Variants in EPG5 observed in about 807,000 individuals in gnomAD.
EPG5 encodes the protein ectopic P granules protein 5 homolog.
A neutral mutation model predicts 302.7 loss-of-function variants in EPG5; 159 were observed. That is an observed-to-expected ratio of 0.53 (90% confidence interval 0.46 to 0.60). The LOEUF (loss-of-function observed/expected upper bound fraction) is 0.60. Ranked by LOEUF, EPG5 falls within the 20% of genes least tolerant of loss-of-function variation. The pLI is 0.00. For missense variants in EPG5, 2,896 were observed against 3,092.4 expected (o/e 0.94, Z 1.51); for synonymous variants, 1,158 against 1,136.8 (o/e 1.02, Z -0.37).
chr18:45,818,342 T>C, the EPG5 span, among the ~76,000 whole-genome samples: 5 of 152,222 alleles, frequency 3.3e-5, no homozygotes, highest in Non-Finnish European at 7.4e-5. Flanking sequence ...CAGAATCAAG[T>C]CCTTGGAGTA....
chr18:45,867,789 T>A, intron 36 of EPG5, 41 bp from the exon 37 acceptor site: 1 of 1,490,454 alleles, frequency 6.7e-7, no homozygotes, highest in South Asian at 1.2e-5. Flanking sequence ...TGCCTTGTGC[T>A]ATCTATGTAT....
the EPG5 span, chr18:45,839,139 G>C: frequency 7.4e-7 from 1 of 1,355,110 alleles, no homozygotes; most frequent in Non-Finnish European, 9.4e-7. Context: ...GGCCGGGCCG[G>C]GGCTCTCTGC....
At chr18:45,856,009 A>G (rs1369023721) in intron 42 of EPG5, among the ~76,000 whole-genome samples, 1 of 152,262 alleles carries the variant, frequency 6.6e-6, no homozygotes, top group African/African-American at 2.4e-5. Context: ...CAACAAGTGA[A>G]GCATAGAGTT....
chr18:45,858,467 C>G (rs567355583), intron 41 of EPG5, 99 bp downstream of exon 41: 1 of 824,792 alleles, frequency 1.2e-6, no homozygotes, highest in Admixed American at 2.6e-5. Flanking sequence ...ATTTTTTATG[C>G]ACCTCTTGGT....
At chr18:45,871,627 C>A (rs1407334131) in intron 35 of EPG5, among the ~76,000 whole-genome samples, 1 of 152,102 alleles carries the variant, frequency 6.6e-6, no homozygotes, top group East Asian at 1.9e-4. Flanking sequence ...CTGTCATTTG[C>A]AACAACATGA....
intron 30 of EPG5, among the ~76,000 whole-genome samples, chr18:45,884,207 G>A (rs2049167249): frequency 1.3e-5 from 2 of 152,122 alleles, no homozygotes; most frequent in South Asian, 4.1e-4. Flanking sequence ...CCTCCTGTCA[G>A]ATCACCCATG....
At position 45,878,508 on chromosome 18, in the gene EPG5, C is replaced by G. The variant is rs959095254; in HGVS notation, c.5870-60G>C. 8.6e-6 allele frequency: 9 copies of G among 1,051,912 alleles called. No homozygotes were observed. In the African/African-American group the frequency reaches 1.4e-4, roughly 17 times the overall value. The allele number at this position is 1,051,912 out of a possible 1,614,324, so 65.2% of individuals were successfully genotyped here. A position where few individuals can be genotyped will look rare whatever the true frequency, so the allele number is the denominator to read the frequency against. On this transcript the variant is annotated intron_variant, in intron 33 of 43. Coordinates refer to ENST00000282041, the MANE Select transcript of EPG5 (RefSeq NM_020964.3). The stretch of plus-strand genomic sequence containing the variant: ...TTTGTCATTTGTCAATATCACTGCT[C>G]ACATTATATAGAAAAATCTACCTCT...
chr18:45,823,312 GA>G, the EPG5 span, among the ~76,000 whole-genome samples: 2 of 152,120 alleles, frequency 1.3e-5, no homozygotes, highest in African/African-American at 4.8e-5. Context: ...AGGGGTGCAT[GA>G]TCATATTTTC....
chr18:45,898,693 G>A (rs942934175), intron 27 of EPG5, among the ~76,000 whole-genome samples: 29 of 152,260 alleles, frequency 1.9e-4, no homozygotes, highest in African/African-American at 7.0e-4. Flanking sequence ...CAATGATGGT[G>A]CACACCAAGC....
At chr18:45,881,288 C>CT (rs1184745984) in intron 31 of EPG5, among the ~76,000 whole-genome samples, 1 of 152,202 alleles carries the variant, frequency 6.6e-6, no homozygotes, top group East Asian at 1.9e-4. Context: ...CCACAACACA[C>CT]ACTATTTGAA....
chr18:45,866,764 C>T, intron 38 of EPG5, 34 bp downstream of exon 38: 3 of 1,531,474 alleles, frequency 2.0e-6, no homozygotes, highest in Non-Finnish European at 2.7e-6. Flanking sequence ...TCTCCAGGAA[C>T]AGTCTCTGCC....
In EPG5 at chr18:45,852,315, T is replaced by C. The variant is rs2048433844; in HGVS notation, c.*152A>G. The C allele has an allele frequency of 4.7e-6, 3 of 640,098 alleles. No individual in the cohort carries two copies. In the East Asian group the frequency reaches 8.3e-5, roughly 18 times the overall value. The allele number at this position is 640,098 out of a possible 1,614,324, so 39.7% of individuals were successfully genotyped here. A position where few individuals can be genotyped will look rare whatever the true frequency, so the allele number is the denominator to read the frequency against. ...CACACACACACACACCCCAAAATTA[T>C]CTAATATCTAACGCCTCCCAACTTG... On this transcript the variant is annotated 3_prime_UTR_variant, in exon 44 of 44. Transcript: ENST00000282041.
chr18:45,923,275 A>C lies in EPG5; in HGVS notation c.2831T>G (p.Met944Arg). 1 of 1,613,480 alleles carries C rather than the reference A, an allele frequency of 6.2e-7. No homozygotes were observed. Among genetic ancestry groups the C allele is most frequent in the Non-Finnish European group, 8.5e-7 (1 of 1,179,812 alleles). The change falls in exon 15 of 44, where the codon ATG becomes AGG. Residue 944 changes from methionine to arginine, a missense_variant. Transcript: ENST00000282041. ...KPYAGILSES[M>R]KQVSYLASIV... ...CAGAAGAGAAGGAAATACCTGCTTC[A>C]TACTTTCAGAGAGAATCCCAGCATA...
chr18:45,906,163 G>A (rs2049746796), intron 24 of EPG5, among the ~76,000 whole-genome samples: 1 of 152,086 alleles, frequency 6.6e-6, no homozygotes, highest in South Asian at 2.1e-4. Context: ...AAGCCCCTCA[G>A]GCACCCCCTC....
chr18:45,955,179 G>T lies in EPG5; in HGVS notation c.223C>A (p.Gln75Lys), dbSNP rs2050999872. 1.2e-6 allele frequency: 2 copies of T among 1,613,896 alleles called. No individual in the cohort carries two copies. Among genetic ancestry groups the T allele is most frequent in the Admixed American group, 3.3e-5 (2 of 59,996 alleles). ...DSQLQDDASG[Q>K]NESEMFDVPL... ...ACATCAAACATTTCACTCTCATTTT[G>T]TCCACTGGCATCATCCTGGAGCTGG... The change falls in exon 2 of 44, where the codon CAA (glutamine) becomes AAA (lysine). Residue 75 changes from glutamine (Q) to lysine (K), a missense_variant. Transcript: ENST00000282041.
chr18:45,915,679 C>A, intron 19 of EPG5, 58 bp from the exon 20 acceptor site: 1 of 1,299,896 alleles, frequency 7.7e-7, no homozygotes, highest in South Asian at 1.2e-5. Flanking sequence ...TTATCAATGA[C>A]CTTTACAAGA....
intron 4 of EPG5, among the ~76,000 whole-genome samples, chr18:45,950,505 C>T (rs993583439): frequency 6.6e-6 from 1 of 152,168 alleles, no homozygotes. Flanking sequence ...TGCCTTTTGC[C>T]CTCCACCATG....
intron 2 of EPG5, chr18:45,953,242 T>C: frequency 2.1e-6 from 2 of 959,488 alleles, no homozygotes; most frequent in Non-Finnish European, 2.5e-6. Context: ...ACTTTCATGA[T>C]TGATGATCTT....
intron 35 of EPG5, among the ~76,000 whole-genome samples, chr18:45,875,821 G>A (rs545377949): frequency 1.1e-4 from 17 of 152,262 alleles, no homozygotes; most frequent in South Asian, 4.1e-4. Flanking sequence ...TTGGGAGGCC[G>A]AGGCGGGCAG....
Sources: allele counts gnomAD v4.1 joint callset (sites outside exome capture counted in the v4.1 genomes callset), GRCh38; gene constraint gnomAD v4.1.1; transcripts MANE v1.5; gene names NCBI Gene and HGNC (gene_info 2026-07-23, HGNC 2026-07-21).